DIAPH2: variants seen among roughly 807,000 people sequenced by gnomAD.
The protein encoded by DIAPH2 is diaphanous related formin 2.
DIAPH2 carries 35 observed loss-of-function variants against 92.7 expected under a neutral mutation model. That is an observed-to-expected ratio of 0.38 (90% CI 0.29 to 0.50). The LOEUF is 0.50. Ranked by LOEUF, DIAPH2 falls within the 20% of genes least tolerant of loss-of-function variation. DIAPH2 has a pLI of 0.94. For missense variants in DIAPH2, 701 were observed against 819.5 expected (o/e 0.86, Z 1.77); for synonymous variants, 301 against 280.4 (o/e 1.07, Z -0.73).
rs771407402 is a variant in DIAPH2, at chrX:96,697,644, C to CA, written c.132+12461dup. ...TGGGCAACAGAGCGAGACTCTGTCT[C>CA]AAAAAAATAAAATATTTTTAAAAAT... is the stretch of plus-strand genomic sequence containing the variant. On this transcript the variant is annotated intron_variant, in intron 1 of 26. Coordinates refer to ENST00000324765, the MANE Select transcript of DIAPH2 (RefSeq NM_006729.5). 9.9e-5 allele frequency among the ~76,000 whole-genome samples: 11 copies of CA among 110,592 alleles called. No homozygotes were observed. The East Asian group carries it at 3.1e-3, about 31-fold the overall frequency.
chrX:97,275,897 A>G (rs2068446435), intron 23 of DIAPH2, among the ~76,000 whole-genome samples: 1 of 112,446 alleles, frequency 8.9e-6, no homozygotes, highest in Admixed American at 9.4e-5. Flanking sequence ...AGAGGCTGCA[A>G]TCTCCGCACT....
chrX:97,234,111 A>T (rs1050876098), intron 22 of DIAPH2, among the ~76,000 whole-genome samples: 12 of 107,286 alleles, frequency 1.1e-4, no homozygotes, highest in Non-Finnish European at 2.1e-4. Context: ...ATCACATGAG[A>T]TCGGGAGTTC....
intron 22 of DIAPH2, among the ~76,000 whole-genome samples, chrX:97,170,931 C>T (rs949570413): frequency 3.6e-5 from 4 of 109,971 alleles, no homozygotes; most frequent in Non-Finnish European, 7.6e-5. Context: ...AGCTGGAGTG[C>T]AGTGGTGCGA....
chrX:97,512,255 G>A (rs1177998495), intron 26 of DIAPH2, among the ~76,000 whole-genome samples: 1 of 113,460 alleles, frequency 8.8e-6, no homozygotes, highest in Non-Finnish European at 1.9e-5. Context: ...TATATGTCAA[G>A]GAATTTATCC....
intron 4 of DIAPH2, among the ~76,000 whole-genome samples, chrX:96,791,317 T>C (rs1277716616): frequency 8.9e-6 from 1 of 112,081 alleles, no homozygotes; most frequent in Non-Finnish European, 1.9e-5. Flanking sequence ...TCACCAAATA[T>C]ATTGTTTTAA....
intron 23 of DIAPH2, among the ~76,000 whole-genome samples, chrX:97,275,723 G>A (rs1479244105): frequency 2.8e-5 from 3 of 107,388 alleles, no homozygotes; most frequent in African/African-American, 6.8e-5. Context: ...GACGATGGGC[G>A]GCCGGGCAGA....
intron 23 of DIAPH2, among the ~76,000 whole-genome samples, chrX:97,313,278 A>G (rs368330675): frequency 9.0e-4 from 101 of 112,246 alleles, no homozygotes; most frequent in African/African-American, 3.2e-3. Flanking sequence ...AATTCATTGT[A>G]GATCCATCCA....
intron 4 of DIAPH2, among the ~76,000 whole-genome samples, chrX:96,846,551 C>T (rs1260847340): frequency 8.9e-6 from 1 of 111,764 alleles, no homozygotes; most frequent in African/African-American, 3.2e-5. Flanking sequence ...TAAATATATC[C>T]AATTCTATTC....
At chrX:97,190,151 A>G (rs1325932898) in intron 22 of DIAPH2, among the ~76,000 whole-genome samples, 1 of 112,948 alleles carries the variant, frequency 8.9e-6, no homozygotes, top group Non-Finnish European at 1.9e-5. Context: ...CTGTTTTTCA[A>G]CCAAATTCTT....
At chrX:96,697,305 A>C (rs1313119352) in intron 1 of DIAPH2, among the ~76,000 whole-genome samples, 1 of 108,972 alleles carries the variant, frequency 9.2e-6, no homozygotes, top group Non-Finnish European at 1.9e-5. Context: ...GTCTCCAAGC[A>C]GATGAGTAAC....
chrX:96,944,092 A>G (rs5920974), intron 13 of DIAPH2, among the ~76,000 whole-genome samples: 4,373 of 111,913 alleles, frequency 0.039, 103 homozygotes, highest in Middle Eastern at 0.083. Flanking sequence ...AACTTCTAGG[A>G]AACCCATGGA....
intron 4 of DIAPH2, among the ~76,000 whole-genome samples, chrX:96,791,606 G>GA (rs765692570): frequency 4.6e-5 from 5 of 108,361 alleles, no homozygotes; most frequent in Admixed American, 3.0e-4. Flanking sequence ...CCATGGGGAG[G>GA]AAAAAACCCC....
At chrX:96,816,457 G>A (rs2064735781) in intron 4 of DIAPH2, among the ~76,000 whole-genome samples, 1 of 112,045 alleles carries the variant, frequency 8.9e-6, no homozygotes, top group Non-Finnish European at 1.9e-5. Context: ...GAAGGAGAGA[G>A]ATGCATATGA....
intron 26 of DIAPH2, among the ~76,000 whole-genome samples, chrX:97,579,165 CTTTAG>C (rs2147878486): frequency 9.1e-6 from 1 of 109,668 alleles, no homozygotes; most frequent in African/African-American, 3.3e-5. Flanking sequence ...TGCAGAATCT[CTTTAG>C]TTTAATTAGA....
rs368332775 is a variant in DIAPH2 at position 97,306,859 on chromosome X, G to A, written c.2845-41257G>A. Among the ~76,000 whole-genome samples, 4 of 112,060 alleles carry A rather than the reference G, an allele frequency of 3.6e-5. No individual in the cohort carries two copies. The East Asian group carries it at 8.4e-4, about 24-fold the overall frequency. Reference sequence around the variant, plus strand: ...ACTAGCTTTAAGCTTTGAATCTGAAGTAGGAATAGAGATAAGAAAAAAAGA... The same window carrying A: ...ACTAGCTTTAAGCTTTGAATCTGAAATAGGAATAGAGATAAGAAAAAAAGA... On this transcript the variant is annotated intron_variant, in intron 23 of 26. Coordinates refer to ENST00000324765, the MANE Select transcript of DIAPH2 (RefSeq NM_006729.5).
At chrX:97,376,286 C>A (rs1394705572) in intron 24 of DIAPH2, among the ~76,000 whole-genome samples, 1 of 111,466 alleles carries the variant, frequency 9.0e-6, no homozygotes, top group East Asian at 2.8e-4. Context: ...GATATCCTAA[C>A]ACCAAGAATT....
At chrX:97,596,845 C>T (rs2071555380) in intron 26 of DIAPH2, among the ~76,000 whole-genome samples, 2 of 111,707 alleles carry the variant, frequency 1.8e-5, no homozygotes, top group African/African-American at 3.3e-5. Context: ...TGACTCCAAA[C>T]GTGGAAGTCG....
At chrX:96,958,645 A>G (rs2065828385) in intron 16 of DIAPH2, among the ~76,000 whole-genome samples, 1 of 111,288 alleles carries the variant, frequency 9.0e-6, no homozygotes, top group African/African-American at 3.3e-5. Flanking sequence ...TGGTCACTTT[A>G]CTGTGCTATC....
intron 22 of DIAPH2, among the ~76,000 whole-genome samples, chrX:97,195,145 G>A (rs1363353222): frequency 3.6e-5 from 4 of 111,558 alleles, no homozygotes; most frequent in African/African-American, 6.5e-5. Context: ...GATCAATTCC[G>A]TAATTTAAAA....
Sources: gnomAD v4.1 joint callset for allele counts (sites outside exome capture counted in the v4.1 genomes callset) on GRCh38, gnomAD v4.1.1 for gene constraint, MANE v1.5 for transcripts, NCBI Gene and HGNC (gene_info 2026-07-23, HGNC 2026-07-21) for gene names.